The following ALK variants were observed in gnomAD, a reference collection of about 807,000 sequenced individuals.
The protein encoded by ALK is ALK receptor tyrosine kinase.
Under a neutral mutation model 163.1 loss-of-function variants are expected in ALK, and 74 were observed. The ratio of observed to expected loss-of-function variants is 0.45; its 90% CI spans 0.38 to 0.55. The LOEUF (loss-of-function observed/expected upper bound fraction) is 0.55. Ranked by LOEUF, ALK falls within the 20% of genes least tolerant of loss-of-function variation. The probability of loss-of-function intolerance (pLI) is 0.00; values close to 1 mark genes in which losing one functional copy is unlikely to be tolerated. For missense variants in ALK, 2,063 were observed against 2,105.3 expected (o/e 0.98, Z 0.39); for synonymous variants, 960 against 843.2 (o/e 1.14, Z -2.40).
chr2:29,285,755 G>T lies in ALK; in HGVS notation c.1818-10259C>A, dbSNP rs531772100. ...TTTTTGTATTTTTAGTAAAGACGGG[G>T]TTTTACCATGTTGGCCAGGCTGGTC... On this transcript the variant is annotated intron_variant, in intron 9 of 28. Transcript: ENST00000389048. 9.9e-5 allele frequency among the ~76,000 whole-genome samples: 15 copies of T among 151,244 alleles called. No individual in the cohort carries two copies. In the South Asian group the frequency reaches 3.1e-3, roughly 32 times the overall value.
intron 1 of ALK, among the ~76,000 whole-genome samples, chr2:29,830,441 G>A (rs956427850): frequency 2.6e-5 from 4 of 152,114 alleles, no homozygotes; most frequent in Non-Finnish European, 5.9e-5. Context: ...TAGATATGGA[G>A]CTTTCAAAAG....
At chr2:29,905,622 G>T (rs145482149) in intron 1 of ALK, among the ~76,000 whole-genome samples, 129 of 151,196 alleles carry the variant, frequency 8.5e-4, no homozygotes, top group African/African-American at 3.1e-3. Context: ...GAGGAAGGAA[G>T]GAAGGAAGGG....
At chr2:29,626,458 A>G (rs1302666164) in intron 3 of ALK, among the ~76,000 whole-genome samples, 1 of 152,158 alleles carries the variant, frequency 6.6e-6, no homozygotes, top group Non-Finnish European at 1.5e-5. Context: ...TTGCTCTTCC[A>G]TCATCTTCTG....
chr2:29,267,391 ATG>A (rs574660783), intron 11 of ALK, among the ~76,000 whole-genome samples: 9 of 152,184 alleles, frequency 5.9e-5, no homozygotes, highest in Non-Finnish European at 1.3e-4. Flanking sequence ...GGTATAATAA[ATG>A]TGTGTTGTTA....
chr2:29,720,894 C>T (rs1199671669), intron 1 of ALK, among the ~76,000 whole-genome samples: 1 of 151,992 alleles, frequency 6.6e-6, no homozygotes, highest in East Asian at 1.9e-4. Flanking sequence ...GTGAAATGGG[C>T]CTCATCAATG....
chr2:29,206,802 T>G (rs1669323143), intron 26 of ALK, among the ~76,000 whole-genome samples: 1 of 151,418 alleles, frequency 6.6e-6, no homozygotes, highest in East Asian at 1.9e-4. Context: ...TGTGTGTGTA[T>G]GTATGTGTAC....
At chr2:29,611,927 T>C (rs1480989358) in intron 3 of ALK, among the ~76,000 whole-genome samples, 1 of 152,214 alleles carries the variant, frequency 6.6e-6, no homozygotes, top group East Asian at 1.9e-4. Flanking sequence ...GGGTAGTTCT[T>C]TATATACAGC....
At chr2:29,624,728 G>A (rs934901414) in intron 3 of ALK, among the ~76,000 whole-genome samples, 4 of 152,164 alleles carry the variant, frequency 2.6e-5, no homozygotes, top group African/African-American at 9.7e-5. Context: ...CACGTACTGC[G>A]CATGCTCCCC....
intron 3 of ALK, among the ~76,000 whole-genome samples, chr2:29,639,555 G>A (rs182242105): frequency 3.0e-4 from 46 of 152,298 alleles, no homozygotes; most frequent in Non-Finnish European, 5.0e-4. Context: ...AACTGAGACC[G>A]GGGAGAATAT....
chr2:29,899,410 G>A (rs562281408), intron 1 of ALK, among the ~76,000 whole-genome samples: 20 of 152,288 alleles, frequency 1.3e-4, no homozygotes, highest in South Asian at 1.2e-3. Flanking sequence ...CCCTGGGGGC[G>A]GCTACTCACC....
intron 13 of ALK, among the ~76,000 whole-genome samples, chr2:29,235,810 A>G (rs1028410545): frequency 1.5e-5 from 2 of 131,426 alleles, no homozygotes; most frequent in African/African-American, 5.7e-5. Context: ...ATCCTGCCTT[A>G]GTCTCCAGAG....
intron 1 of ALK, among the ~76,000 whole-genome samples, chr2:29,824,889 G>C (rs890356876): frequency 1.3e-5 from 2 of 152,176 alleles, no homozygotes; most frequent in Admixed American, 6.5e-5. Flanking sequence ...CATGAGATTT[G>C]GGAGAGGCCA....
At chr2:29,344,715 T>C (rs938405444) in intron 5 of ALK, among the ~76,000 whole-genome samples, 2 of 152,262 alleles carry the variant, frequency 1.3e-5, no homozygotes, top group African/African-American at 4.8e-5. Context: ...TTGTTTTTGC[T>C]ACTATGCTCT....
In ALK at chr2:29,865,673, T is replaced by C. The variant is rs374961922; in HGVS notation, c.667+54320A>G. 4.6e-5 allele frequency among the ~76,000 whole-genome samples: 7 copies of C among 152,274 alleles called. No individual in the cohort carries two copies. The South Asian group carries it at 8.3e-4, about 18-fold the overall frequency. On this transcript the variant is annotated intron_variant, in intron 1 of 28. Coordinates refer to ENST00000389048, the MANE Select transcript of ALK (RefSeq NM_004304.5). The stretch of plus-strand genomic sequence containing the variant: ...GTCCACAGGGGTATGCGGTTGGGGA[T>C]TGTGTTGGAGGAAGAGCTAGGCTGA...
intron 7 of ALK, among the ~76,000 whole-genome samples, chr2:29,319,840 A>G (rs890775097): frequency 3.9e-5 from 6 of 152,262 alleles, no homozygotes; most frequent in African/African-American, 1.4e-4. Flanking sequence ...GCTGCTGCAC[A>G]GTGGGGACTG....
intron 26 of ALK, among the ~76,000 whole-genome samples, chr2:29,198,150 A>G (rs1002101949): frequency 6.6e-6 from 1 of 152,206 alleles, no homozygotes; most frequent in Admixed American, 6.5e-5. Flanking sequence ...TTTAAAAGGA[A>G]GATTTCCTTA....
chr2:29,597,051 G>A (rs1465034509), intron 3 of ALK, among the ~76,000 whole-genome samples: 1 of 152,168 alleles, frequency 6.6e-6, no homozygotes, highest in Non-Finnish European at 1.5e-5. Flanking sequence ...AGATCTCTAA[G>A]CATCCCCCAC....
intron 4 of ALK, among the ~76,000 whole-genome samples, chr2:29,455,314 G>A (rs1269020385): frequency 6.6e-6 from 1 of 152,144 alleles, no homozygotes; most frequent in East Asian, 1.9e-4. Context: ...CCTTTTCTGA[G>A]CCTTAGCTGT....
intron 3 of ALK, among the ~76,000 whole-genome samples, chr2:29,665,590 AG>A (rs1677490291): frequency 6.6e-6 from 1 of 151,964 alleles, no homozygotes; most frequent in African/African-American, 2.4e-5. Flanking sequence ...GTGGGCTCCC[AG>A]GTGTTGAGGT....
Sources: gnomAD v4.1 joint callset for allele counts (sites outside exome capture counted in the v4.1 genomes callset) on GRCh38, gnomAD v4.1.1 for gene constraint, MANE v1.5 for transcripts, NCBI Gene and HGNC (gene_info 2026-07-23, HGNC 2026-07-21) for gene names.